FKBP6: variants seen among roughly 807,000 people sequenced by gnomAD.
FKBP6 encodes the protein FKBP prolyl isomerase family member 6 (inactive).
Under a neutral mutation model 41.7 loss-of-function variants are expected in FKBP6, and 29 were observed. That is an observed-to-expected ratio of 0.70 (90% CI 0.52 to 0.95). FKBP6 has a LOEUF of 0.95. Ranked by LOEUF, FKBP6 falls within the 40% of genes least tolerant of loss-of-function variation. The probability of loss-of-function intolerance (pLI) is 0.00; values close to 1 mark genes in which losing one functional copy is unlikely to be tolerated. For missense variants in FKBP6, 338 were observed against 408.7 expected (o/e 0.83, Z 1.49); for synonymous variants, 130 against 165.1 (o/e 0.79, Z 1.63).
At position 73,329,429 on chromosome 7, in the gene FKBP6, G is replaced by C. The variant is rs201326980; in HGVS notation, c.245G>C (p.Arg82Pro). ...FDSNYFRKTP[R>P]LMKLGEDITL... ...TCTAATTACTTTAGGAAAACTCCTC[G>C]GCTAATGAAACTTGGAGAGGGTAGG... The change falls in exon 3 of 9, where the codon CGG becomes CCG. Residue 82 changes from arginine (R) to proline (P), a missense_variant. Coordinates refer to ENST00000252037, the MANE Select transcript of FKBP6 (RefSeq NM_003602.5). 6.2e-7 allele frequency: 1 copy of C among 1,603,250 alleles called. No homozygotes were observed. Among genetic ancestry groups the C allele is most frequent in the Non-Finnish European group, 8.5e-7 (1 of 1,170,142 alleles).
intron 5 of FKBP6, among the ~76,000 whole-genome samples, chr7:73,340,314 G>A (rs985304041): frequency 6.6e-6 from 1 of 151,714 alleles, no homozygotes; most frequent in African/African-American, 2.4e-5. Context: ...GGATCACGAG[G>A]TCAGGAGATC....
At chr7:73,329,938 G>A in intron 3 of FKBP6, 1 of 616,016 alleles carries the variant, frequency 1.6e-6, no homozygotes, top group Non-Finnish European at 2.9e-6. Context: ...CTTCCTGGAA[G>A]TGGGGGCATT....
At chr7:73,329,529 G>A (rs1445833592) in intron 3 of FKBP6, 80 bp downstream of exon 3, 3 of 892,514 alleles carry the variant, frequency 3.4e-6, no homozygotes, top group Non-Finnish European at 5.8e-6. Context: ...TGGGAAGACT[G>A]CTCAGAGCGC....
At position 73,329,459 on chromosome 7, in the gene FKBP6, G is replaced by T; in HGVS notation, c.265+10G>T. The stretch of plus-strand genomic sequence containing the variant: ...ATGAAACTTGGAGAGGGTAGGTTCA[G>T]AGTGGGAGCTGGAGAAGAAGGAATT... On this transcript the variant is annotated intron_variant, in intron 3 of 8. Coordinates refer to ENST00000252037, the MANE Select transcript of FKBP6 (RefSeq NM_003602.5). 6.7e-7 allele frequency: 1 copy of T among 1,501,640 alleles called. No individual in the cohort carries two copies. Among genetic ancestry groups the T allele is most frequent in the African/African-American group, 1.4e-5 (1 of 72,838 alleles). 93.0% of individuals were successfully genotyped at this position (1,501,640 alleles called of 1,614,324 possible). A position where few individuals can be genotyped will look rare whatever the true frequency, so the allele number is the denominator to read the frequency against.
chr7:73,340,567 C>A, intron 5 of FKBP6, 71 bp from the exon 6 acceptor site: 3 of 1,275,914 alleles, frequency 2.4e-6, no homozygotes, highest in Non-Finnish European at 3.4e-6. Flanking sequence ...ATAGTTTTTG[C>A]GTGTGGATTC....
chr7:73,357,191 A>G (rs1354606818), intron 8 of FKBP6, among the ~76,000 whole-genome samples: 1 of 151,614 alleles, frequency 6.6e-6, no homozygotes, highest in Non-Finnish European at 1.5e-5. Context: ...CCACCGTTAA[A>G]CACCATGCTG....
In FKBP6 at chr7:73,330,298, G is replaced by C. The variant is rs781836957; in HGVS notation, c.414G>C (p.Glu138Asp). The C allele has an allele frequency of 2.2e-5, 36 of 1,614,186 alleles. No homozygotes were observed. Among genetic ancestry groups the C allele is most frequent in the Non-Finnish European group, 2.7e-5 (32 of 1,180,022 alleles). The change falls in exon 4 of 9, where the codon GAG (glutamate) becomes GAC (aspartate). Residue 138 changes from glutamate (E) to aspartate (D), a missense_variant. By Grantham distance (45) the Glu-to-Asp change is conservative (BLOSUM62 2). Transcript: ENST00000252037. ...ACACCACTGTCCTGTTTGAGATTGA[G>C]CTGCTTGACTTCCTGGACTGTGCTG... Reference protein sequence around the residue: ...PPNTTVLFEIELLDFLDCAES... With the variant: ...PPNTTVLFEIDLLDFLDCAES...
intron 8 of FKBP6, among the ~76,000 whole-genome samples, chr7:73,343,687 A>G (rs1185558815): frequency 1.3e-5 from 2 of 152,200 alleles, no homozygotes; most frequent in Non-Finnish European, 2.9e-5. Flanking sequence ...TCCCAAGCAC[A>G]TGAGATAACC....
At chr7:73,343,433 G>A (rs1805251732) in intron 8 of FKBP6, among the ~76,000 whole-genome samples, 1 of 152,086 alleles carries the variant, frequency 6.6e-6, no homozygotes, top group African/African-American at 2.4e-5. Context: ...TGATAGAGCT[G>A]GGCTTTGACG....
At chr7:73,333,203 G>A (rs377568363) in intron 5 of FKBP6, among the ~76,000 whole-genome samples, 26 of 151,864 alleles carry the variant, frequency 1.7e-4, no homozygotes, top group African/African-American at 6.3e-4. Flanking sequence ...CCCAGGAGGC[G>A]GAGGTTGCAA....
intron 8 of FKBP6, among the ~76,000 whole-genome samples, chr7:73,355,605 A>G (rs782276893): frequency 4.0e-5 from 6 of 151,846 alleles, no homozygotes; most frequent in Non-Finnish European, 8.8e-5. Context: ...GATTATTATT[A>G]AACTTGTCAT....
At chr7:73,335,688 A>T (rs1340332837) in intron 5 of FKBP6, among the ~76,000 whole-genome samples, 1 of 152,042 alleles carries the variant, frequency 6.6e-6, no homozygotes, top group South Asian at 2.1e-4. Flanking sequence ...TCCTGGTTCC[A>T]TCAGTTCCTA....
intron 3 of FKBP6, 26 bp downstream of exon 3, chr7:73,329,475 A>G (rs782639388): frequency 5.1e-6 from 7 of 1,380,926 alleles, no homozygotes; most frequent in Non-Finnish European, 7.2e-6. Context: ...GAGCTGGAGA[A>G]GAAGGAATTG....
At chr7:73,339,254 T>A (rs1583808807) in intron 5 of FKBP6, 1 of 152,364 alleles carries the variant, frequency 6.6e-6, no homozygotes, top group South Asian at 2.1e-4. Flanking sequence ...CTTTAGTTAA[T>A]TTTTGCATCT....
intron 8 of FKBP6, among the ~76,000 whole-genome samples, chr7:73,353,674 A>G (rs1805551500): frequency 6.6e-6 from 1 of 152,132 alleles, no homozygotes; most frequent in South Asian, 2.1e-4. Flanking sequence ...TTCCAACAGC[A>G]TGTGCTGAAT....
intron 3 of FKBP6, chr7:73,329,658 G>A (rs1804771714): frequency 1.6e-6 from 1 of 608,448 alleles, no homozygotes; most frequent in Non-Finnish European, 2.9e-6. Flanking sequence ...TTTGCACTCT[G>A]ACTTAACTAA....
intron 8 of FKBP6, among the ~76,000 whole-genome samples, chr7:73,354,899 A>G (rs1583827613): frequency 6.6e-6 from 1 of 152,038 alleles, no homozygotes; most frequent in Non-Finnish European, 1.5e-5. Context: ...GGCACACGAC[A>G]CCCACCGCCA....
rs782225682 is a variant in FKBP6, at chr7:73,341,289, CTGAG to C, written c.802_805del (p.Glu268IlefsTer8). 15 of 1,610,880 alleles carry C rather than the reference CTGAG, an allele frequency of 9.3e-6. No individual in the cohort carries two copies. The highest frequency in any genetic ancestry group is 1.7e-5 in the Admixed American group (1 of 60,016). On this transcript the variant is annotated frameshift_variant, in exon 7 of 9. Transcript: ENST00000252037. LOFTEE classifies it high-confidence loss of function. The stretch of plus-strand genomic sequence containing the variant: ...TTGGGACAGGCTTGTCTTCTCCTGA[CTGAG>C]TATCAAAAGGCCCGGGATTTTCTAG...
chr7:73,350,826 C>T (rs1805469060), intron 8 of FKBP6, among the ~76,000 whole-genome samples: 4 of 152,082 alleles, frequency 2.6e-5, no homozygotes, highest in Admixed American at 2.0e-4. Flanking sequence ...CCTCTGGGGC[C>T]AGGGGTTCCC....
Sources: gnomAD v4.1 joint callset for allele counts (sites outside exome capture counted in the v4.1 genomes callset) on GRCh38, gnomAD v4.1.1 for gene constraint, MANE v1.5 for transcripts, NCBI Gene and HGNC (gene_info 2026-07-23, HGNC 2026-07-21) for gene names.